BIRC6: variants seen among roughly 807,000 people sequenced by gnomAD.
BIRC6 encodes baculoviral IAP repeat containing 6, also known as dual E2 ubiquitin-conjugating enzyme/E3 ubiquitin-protein ligase BIRC6.
BIRC6 carries 98 observed loss-of-function variants against 503.3 expected under a neutral mutation model. The ratio of observed to expected loss-of-function variants is 0.19; its 90% confidence interval spans 0.17 to 0.23. The LOEUF (loss-of-function observed/expected upper bound fraction) is 0.23, where lower values mean the gene tolerates loss of function less well. BIRC6 is among the 10% of genes least tolerant of loss of function. BIRC6 has a pLI of 1.00. For missense variants in BIRC6, 5,360 were observed against 5,806.0 expected (o/e 0.92, Z 2.50); for synonymous variants, 2,240 against 2,078.7 (o/e 1.08, Z -2.11).
chr2:32,435,689 C>T (rs939644474), intron 14 of BIRC6, 104 bp downstream of exon 14: 1 of 1,203,686 alleles, frequency 8.3e-7, no homozygotes. Flanking sequence ...AACTTGGTTT[C>T]AAGAACACAA....
At chr2:32,537,687 C>T (rs1351319870) in intron 61 of BIRC6, among the ~76,000 whole-genome samples, 2 of 152,114 alleles carry the variant, frequency 1.3e-5, no homozygotes, top group Non-Finnish European at 2.9e-5. Context: ...ATTATTTAGG[C>T]CGGGCGCAGT....
intron 46 of BIRC6, among the ~76,000 whole-genome samples, chr2:32,500,422 T>A (rs1284006846): frequency 6.9e-6 from 1 of 145,824 alleles, no homozygotes; most frequent in African/African-American, 2.5e-5. Context: ...CCCAGCTAAT[T>A]TTTTTTTTTT....
intron 50 of BIRC6, among the ~76,000 whole-genome samples, chr2:32,505,544 A>G (rs945652935): frequency 2.0e-5 from 3 of 152,204 alleles, no homozygotes; most frequent in African/African-American, 4.8e-5. Context: ...TTTTCAGCCC[A>G]GACCTCAGTC....
At chr2:32,599,989 C>G (rs1209840487) in intron 70 of BIRC6, 89 bp downstream of exon 70, 30 of 1,266,226 alleles carry the variant, frequency 2.4e-5, no homozygotes, top group East Asian at 1.8e-4. Context: ...TTTTAGTTAT[C>G]TGCTAAGAGG....
intron 66 of BIRC6, among the ~76,000 whole-genome samples, chr2:32,578,064 T>A (rs955813116): frequency 6.6e-6 from 1 of 152,210 alleles, no homozygotes; most frequent in African/African-American, 2.4e-5. Context: ...AATATACTTT[T>A]TCGTTGAAAC....
intron 2 of BIRC6, 59 bp downstream of exon 2, chr2:32,377,828 A>T: frequency 1.4e-6 from 2 of 1,395,688 alleles, no homozygotes; most frequent in Non-Finnish European, 9.6e-7. Flanking sequence ...GACATATTAG[A>T]TGTTAAATGA....
chr2:32,523,773 G>A lies in BIRC6; in HGVS notation c.11624-1115G>A, dbSNP rs147522378. On this transcript the variant is annotated intron_variant, in intron 57 of 73. Coordinates refer to ENST00000421745, the MANE Select transcript of BIRC6 (RefSeq NM_016252.4). ...ATTAGGGAAGTAAAAAGAGAATTGA[G>A]CTAGATGCAGTGGCTCATGCCTGGA... Among the ~76,000 whole-genome samples, 254 of 152,304 alleles carry A rather than the reference G, an allele frequency of 1.7e-3. 1 individual carries two copies. Among genetic ancestry groups the A allele is most frequent in the Middle Eastern group, 3.4e-3 (1 of 294 alleles).
In BIRC6 at chr2:32,479,451, CT is replaced by C; in HGVS notation, c.7253-9del. ...TAAATTATTAAAACAGGACTATCCC[CT>C]TACATACAGGAGAATTACTGGCTCC... On this transcript the variant is annotated splice_polypyrimidine_tract_variant and intron_variant, in intron 36 of 73. Coordinates refer to ENST00000421745, the MANE Select transcript of BIRC6 (RefSeq NM_016252.4). 1 of 1,588,740 alleles carries C rather than the reference CT, an allele frequency of 6.3e-7. No homozygotes were observed. The highest frequency in any genetic ancestry group is 1.3e-5 in the African/African-American group (1 of 74,508).
chr2:32,493,397 G>A, intron 44 of BIRC6, 143 bp from the exon 45 acceptor site: 1 of 632,720 alleles, frequency 1.6e-6, no homozygotes, highest in Non-Finnish European at 2.5e-6. Context: ...TTCATTTCCT[G>A]CTATCATTGT....
Position 32,357,243 on chromosome 2 carries a change from A to C in BIRC6, c.82A>C (p.Lys28Gln), listed in dbSNP as rs2033208779. The change falls in exon 1 of 74, where the codon AAG becomes CAG. Residue 28 changes from lysine to glutamine, a missense_variant. Transcript: ENST00000421745. The surrounding 1 kb of genome is among the most constrained non-coding windows in gnomAD (Gnocchi z 4.9). ...TGTGATTGTGCTGAGCGCAGGCCGG[A>C]AGATGGCGGCTGCGGCTGCGGCGGC... The part of the protein sequence containing the change: ...PSVIVLSAGR[K>Q]MAAAAAAASG... 30 of 1,525,740 alleles carry C rather than the reference A, an allele frequency of 2.0e-5. No individual in the cohort carries two copies. Among genetic ancestry groups the C allele is most frequent in the Non-Finnish European group, 2.5e-5 (28 of 1,139,736 alleles). 94.5% of individuals were successfully genotyped at this position (1,525,740 alleles called of 1,614,324 possible). A position where few individuals can be genotyped will look rare whatever the true frequency, so the allele number is the denominator to read the frequency against.
chr2:32,376,911 A>G (rs1050261020), intron 1 of BIRC6, among the ~76,000 whole-genome samples: 2 of 152,168 alleles, frequency 1.3e-5, no homozygotes, highest in Admixed American at 1.3e-4. Context: ...ATTGTACCAT[A>G]CTTACCTGTT....
intron 49 of BIRC6, 25 bp downstream of exon 49, chr2:32,503,261 A>G: frequency 6.4e-7 from 1 of 1,560,010 alleles, no homozygotes; most frequent in Non-Finnish European, 8.7e-7. Flanking sequence ...ACTAAATCTT[A>G]CTTATGTGAA....
At chr2:32,394,155 A>T (rs1005023054) in intron 5 of BIRC6, among the ~76,000 whole-genome samples, 3 of 142,634 alleles carry the variant, frequency 2.1e-5, no homozygotes, top group East Asian at 4.1e-4. Context: ...TGATGCCTTG[A>T]TTTTTTTTTT....
intron 21 of BIRC6, 22 bp from the exon 22 acceptor site, chr2:32,448,773 A>G: frequency 1.3e-6 from 2 of 1,584,070 alleles, no homozygotes; most frequent in Non-Finnish European, 1.7e-6. Flanking sequence ...GAAAATTGTT[A>G]GTGCATTATT....
chr2:32,533,566 G>T (rs1023317216), intron 61 of BIRC6, among the ~76,000 whole-genome samples: 1 of 152,190 alleles, frequency 6.6e-6, no homozygotes, highest in African/African-American at 2.4e-5. Flanking sequence ...CAAGAGTGAG[G>T]CTGGACAACC....
chr2:32,545,281 T>C (rs1247873130), intron 62 of BIRC6, among the ~76,000 whole-genome samples: 1 of 152,172 alleles, frequency 6.6e-6, no homozygotes, highest in Non-Finnish European at 1.5e-5. Flanking sequence ...TTAAAGCTAC[T>C]CCCAAGAAAA....
Position 32,618,041 on chromosome 2 carries a change from T to G in BIRC6, c.*137T>G. The G allele has an allele frequency of 1.2e-6, 1 of 840,928 alleles. No homozygotes were observed. The highest frequency in any genetic ancestry group is 2.7e-5 in the East Asian group (1 of 36,994). The allele number at this position is 840,928 out of a possible 1,614,324, so 52.1% of individuals were successfully genotyped here. A position where few individuals can be genotyped will look rare whatever the true frequency, so the allele number is the denominator to read the frequency against. ...ACTATGCCCTTAAGGAGATCCAGTT[T>G]AATTCAAGGTGATCTTTTATTTACC... On this transcript the variant is annotated 3_prime_UTR_variant, in exon 74 of 74. Coordinates refer to ENST00000421745, the MANE Select transcript of BIRC6 (RefSeq NM_016252.4).
chr2:32,469,390 A>T lies in BIRC6; in HGVS notation c.6128-5A>T, dbSNP rs1232289951. On this transcript the variant is annotated splice_region_variant and splice_polypyrimidine_tract_variant and intron_variant, in intron 29 of 73. Transcript: ENST00000421745. ...GAAAGTTTACTGTTTTCTTTCTTGT[A>T]ATAGGACACTCTGTTCCTGCAGTTT... is the stretch of plus-strand genomic sequence containing the variant. 1 of 1,607,512 alleles carries T rather than the reference A, an allele frequency of 6.2e-7. No individual in the cohort carries two copies. The highest frequency in any genetic ancestry group is 2.2e-5 in the East Asian group (1 of 44,820).
chr2:32,611,306 C>A (rs1197735006), intron 72 of BIRC6, 142 bp from the exon 73 acceptor site: 3 of 382,468 alleles, frequency 7.8e-6, no homozygotes, highest in Non-Finnish European at 1.2e-5. Context: ...TAATAATATT[C>A]TAAATATTAA....
Sources: allele counts gnomAD v4.1 joint callset (sites outside exome capture counted in the v4.1 genomes callset), GRCh38; gene constraint gnomAD v4.1.1; non-coding constraint Gnocchi (gnomAD v3.1); transcripts MANE v1.5; gene names NCBI Gene and HGNC (gene_info 2026-07-23, HGNC 2026-07-21).